PPM1E: variants seen among roughly 807,000 people sequenced by gnomAD.
The protein encoded by PPM1E is protein phosphatase 1E.
Under a neutral mutation model 65.9 loss-of-function variants are expected in PPM1E, and 20 were observed. The observed-to-expected ratio is 0.30, with a 90% CI of 0.21 to 0.44. PPM1E has a LOEUF of 0.44. PPM1E is among the 20% of genes least tolerant of loss of function. The probability of loss-of-function intolerance (pLI) is 1.00; values close to 1 mark genes in which losing one functional copy is unlikely to be tolerated. For synonymous variants in PPM1E, 352 were observed against 374.9 expected (o/e 0.94, Z 0.70); for missense variants, 713 against 953.1 (o/e 0.75, Z 3.32).
At chr17:58,816,792 ATATTTTTT>A (rs2050429184) in intron 1 of PPM1E, among the ~76,000 whole-genome samples, 2 of 8,930 alleles carry the variant, frequency 2.2e-4, no homozygotes, top group South Asian at 6.6e-3. Context: ...ATATATATAT[ATATTTTTT>A]TTTTTTTTTT....
chr17:58,979,416 T>G (rs544141158), intron 6 of PPM1E, among the ~76,000 whole-genome samples: 39 of 152,182 alleles, frequency 2.6e-4, no homozygotes, highest in Non-Finnish European at 4.4e-4. Context: ...TTAGACTTGA[T>G]TTATAAAATC....
chr17:58,848,699 A>G (rs1275172192), intron 1 of PPM1E, among the ~76,000 whole-genome samples: 2 of 152,164 alleles, frequency 1.3e-5, no homozygotes, highest in Non-Finnish European at 2.9e-5. Flanking sequence ...GGATTTTTGC[A>G]TTGATGTTCA....
intron 1 of PPM1E, among the ~76,000 whole-genome samples, chr17:58,945,488 C>T (rs1335404180): frequency 1.3e-5 from 2 of 152,202 alleles, no homozygotes; most frequent in East Asian, 3.8e-4. Flanking sequence ...TCCCACCAAC[C>T]AATTCTCCAT....
intron 1 of PPM1E, among the ~76,000 whole-genome samples, chr17:58,944,342 C>T (rs1310961606): frequency 6.6e-6 from 1 of 152,166 alleles, no homozygotes; most frequent in African/African-American, 2.4e-5. Context: ...TCTCTACTCC[C>T]ACTGCTTCAC....
chr17:58,884,436 T>A (rs2051242331), intron 1 of PPM1E, among the ~76,000 whole-genome samples: 1 of 152,226 alleles, frequency 6.6e-6, no homozygotes, highest in South Asian at 2.1e-4. Flanking sequence ...TGTCATCTAC[T>A]TTCTGATTTA....
At chr17:58,857,814 A>G (rs2050898781) in intron 1 of PPM1E, among the ~76,000 whole-genome samples, 1 of 152,152 alleles carries the variant, frequency 6.6e-6, no homozygotes, top group South Asian at 2.1e-4. Flanking sequence ...GTTTAAAAAA[A>G]TTAATTCATA....
At chr17:58,809,848 C>T (rs1412132956) in intron 1 of PPM1E, among the ~76,000 whole-genome samples, 1 of 152,232 alleles carries the variant, frequency 6.6e-6, no homozygotes, top group Non-Finnish European at 1.5e-5. Context: ...GCAGCACATG[C>T]TGTGCCCTTA....
At chr17:58,928,190 C>G (rs774385729) in intron 1 of PPM1E, among the ~76,000 whole-genome samples, 1 of 152,062 alleles carries the variant, frequency 6.6e-6, no homozygotes, top group Non-Finnish European at 1.5e-5. Context: ...TGTGTTTGCA[C>G]CACTGCACTC....
At position 58,756,081 on chromosome 17, in the gene PPM1E, C is replaced by G. The variant is rs751395071; in HGVS notation, c.84C>G (p.Gly28=). ...GCGAGTTTCGCGGACCGTGCGGCGGCGGCGAGCCGGAGCCGGAACCCGAAC... is the reference window on the plus strand; with the variant it reads ...GCGAGTTTCGCGGACCGTGCGGCGGGGGCGAGCCGGAGCCGGAACCCGAAC... ...FLGEFRGPCG[G]GEPEPEPEPE... is the part of the protein sequence containing the mutation. The change falls in exon 1 of 7, where the codon GGC becomes GGG. Residue 28 remains glycine, a synonymous_variant. Coordinates refer to ENST00000308249, the MANE Select transcript of PPM1E (RefSeq NM_014906.5). 2 of 1,608,224 alleles carry G rather than the reference C, an allele frequency of 1.2e-6. No homozygotes were observed. Among genetic ancestry groups the G allele is most frequent in the Non-Finnish European group, 1.7e-6 (2 of 1,178,610 alleles).
intron 1 of PPM1E, among the ~76,000 whole-genome samples, chr17:58,942,448 C>T (rs1276988183): frequency 6.6e-6 from 1 of 152,052 alleles, no homozygotes; most frequent in South Asian, 2.1e-4. Context: ...TCCTTGAAGA[C>T]ATAGAATGTA....
chr17:58,888,362 CT>C (rs71367642), intron 1 of PPM1E, among the ~76,000 whole-genome samples: 1,024 of 104,442 alleles, frequency 9.8e-3, no homozygotes, highest in Non-Finnish European at 0.012. Flanking sequence ...ACTCTTCTCT[CT>C]TTTTTTTTTT....
At chr17:58,932,101 C>T (rs2051907626) in intron 1 of PPM1E, among the ~76,000 whole-genome samples, 1 of 152,020 alleles carries the variant, frequency 6.6e-6, no homozygotes, top group Non-Finnish European at 1.5e-5. Flanking sequence ...CAAAGCAAGA[C>T]CCTGTCTTTT....
intron 1 of PPM1E, among the ~76,000 whole-genome samples, chr17:58,775,323 T>C (rs554305320): frequency 2.8e-4 from 43 of 152,236 alleles, no homozygotes; most frequent in African/African-American, 1.0e-3. Context: ...AACTGAGGTA[T>C]AGGTTAAGCG....
chr17:58,861,152 TG>T (rs2050935029), intron 1 of PPM1E, among the ~76,000 whole-genome samples: 1 of 152,158 alleles, frequency 6.6e-6, no homozygotes, highest in African/African-American at 2.4e-5. Context: ...CCCACCATGG[TG>T]GGTCAGATCC....
chr17:58,810,885 C>A (rs1027513783), intron 1 of PPM1E, among the ~76,000 whole-genome samples: 2 of 151,922 alleles, frequency 1.3e-5, no homozygotes, highest in African/African-American at 4.8e-5. Context: ...TGAGACAGAG[C>A]CTTACTCTCT....
At chr17:58,934,384 A>G (rs1329983996) in intron 1 of PPM1E, among the ~76,000 whole-genome samples, 1 of 152,210 alleles carries the variant, frequency 6.6e-6, no homozygotes, top group East Asian at 1.9e-4. Context: ...GTAGGTAACA[A>G]CTCAAGATTA....
rs2049759063 is a variant in PPM1E at position 58,756,123 on chromosome 17, A to AG, written c.126_127insG (p.Pro43AlafsTer10). On this transcript the variant is annotated frameshift_variant, in exon 1 of 7. Transcript: ENST00000308249. LOFTEE classifies it high-confidence loss of function. ...AACCCGAACCCGAACCCGAACCCGA[A>AG]CCCGAGTCCGAGCCCGAGCCCGAAC... The AG allele has an allele frequency of 1.2e-5, 20 of 1,607,254 alleles. No homozygotes were observed. Among genetic ancestry groups the AG allele is most frequent in the Non-Finnish European group, 1.7e-5 (20 of 1,176,996 alleles).
chr17:58,964,990 A>T (rs532401783), intron 2 of PPM1E, among the ~76,000 whole-genome samples: 1 of 151,986 alleles, frequency 6.6e-6, no homozygotes, highest in East Asian at 1.9e-4. Context: ...GGTTGCAGTG[A>T]GCCAAGATCA....
At chr17:58,809,635 G>A (rs1230294524) in intron 1 of PPM1E, among the ~76,000 whole-genome samples, 1 of 152,032 alleles carries the variant, frequency 6.6e-6, no homozygotes, top group Non-Finnish European at 1.5e-5. Flanking sequence ...CCTGTAGCTC[G>A]GCCTTCCAAA....
Sources: gnomAD v4.1 joint callset for allele counts (sites outside exome capture counted in the v4.1 genomes callset) on GRCh38, gnomAD v4.1.1 for gene constraint, MANE v1.5 for transcripts, NCBI Gene and HGNC (gene_info 2026-07-23, HGNC 2026-07-21) for gene names.